Variants in SPIDR observed in about 807,000 individuals in gnomAD.
SPIDR encodes scaffold protein involved in DNA repair.
A neutral mutation model predicts 104.6 loss-of-function variants in SPIDR; 93 were observed. The ratio of observed to expected loss-of-function variants is 0.89; its 90% CI spans 0.75 to 1.06. The LOEUF (loss-of-function observed/expected upper bound fraction) is 1.06. Ranked by LOEUF, SPIDR falls within the 50% of genes least tolerant of loss-of-function variation. SPIDR has a pLI of 0.00. For synonymous variants in SPIDR, 431 were observed against 416.9 expected, an observed-to-expected ratio of 1.03 and a Z score of -0.41; for missense variants, 1,154 against 1,111.2, an observed-to-expected ratio of 1.04 and a Z score of -0.55.
chr8:47,351,036 C>T (rs1554622037), intron 5 of SPIDR, among the ~76,000 whole-genome samples: 2 of 152,188 alleles, frequency 1.3e-5, no homozygotes, highest in African/African-American at 4.8e-5. Flanking sequence ...GCCTGTTAGT[C>T]TCTTCGTAGC....
At chr8:47,369,476 G>T (rs563535816) in intron 5 of SPIDR, among the ~76,000 whole-genome samples, 36 of 152,154 alleles carry the variant, frequency 2.4e-4, no homozygotes, top group Admixed American at 7.9e-4. Context: ...CTTAGAAACT[G>T]CAATTTCCTT....
chr8:47,735,398 G>T lies in SPIDR; in HGVS notation c.2696G>T (p.Gly899Val). 6.2e-7 allele frequency: 1 copy of T among 1,614,196 alleles called. No homozygotes were observed. Among genetic ancestry groups the T allele is most frequent in the South Asian group, 1.1e-5 (1 of 91,078 alleles). The change falls in exon 20 of 20, where the codon GGA (glycine) becomes GTA (valine). Residue 899 changes from glycine to valine, a missense_variant. Physicochemically the swap from Gly to Val is moderately radical, Grantham distance 109. Transcript: ENST00000297423. Reference sequence around the variant, plus strand: ...ACCGCCCACCCGACCAGCTGCATTGGATTGGAGGAAATCGAGCTTCTGAGT... The same window carrying T: ...ACCGCCCACCCGACCAGCTGCATTGTATTGGAGGAAATCGAGCTTCTGAGT... ...SVTAHPTSCIGLEEIELLSAG... is the reference protein window; with the variant it reads ...SVTAHPTSCIVLEEIELLSAG...
chr8:47,725,532 C>T (rs1002064688), intron 16 of SPIDR, among the ~76,000 whole-genome samples: 1 of 152,128 alleles, frequency 6.6e-6, no homozygotes, highest in African/African-American at 2.4e-5. Context: ...GCTGGGACTA[C>T]AGGCGCGTGC....
intron 11 of SPIDR, among the ~76,000 whole-genome samples, chr8:47,680,832 G>C (rs1459538966): frequency 6.6e-6 from 1 of 152,226 alleles, no homozygotes; most frequent in Non-Finnish European, 1.5e-5. Context: ...GCTGGGCTGG[G>C]CTCAATGGCT....
chr8:47,338,206 CA>C (rs1350758476), intron 5 of SPIDR, among the ~76,000 whole-genome samples: 5 of 152,072 alleles, frequency 3.3e-5, no homozygotes, highest in Admixed American at 3.3e-4. Context: ...AAAGAGATTA[CA>C]TTCTTGTAAT....
At chr8:47,720,986 G>C (rs2083318492) in intron 16 of SPIDR, among the ~76,000 whole-genome samples, 1 of 152,086 alleles carries the variant, frequency 6.6e-6, no homozygotes. Flanking sequence ...TTGAACTCCT[G>C]ACCTCAGGTG....
intron 6 of SPIDR, among the ~76,000 whole-genome samples, chr8:47,400,377 A>G (rs140379979): frequency 4.9e-4 from 74 of 152,328 alleles, no homozygotes; most frequent in Non-Finnish European, 2.9e-4. Flanking sequence ...TGAAGTTACT[A>G]TGCTTAAATA....
At chr8:47,315,380 T>C (rs1433607748) in intron 5 of SPIDR, among the ~76,000 whole-genome samples, 1 of 152,040 alleles carries the variant, frequency 6.6e-6, no homozygotes, top group African/African-American at 2.4e-5. Context: ...GTAACTACAG[T>C]AGAATTTAAA....
intron 8 of SPIDR, among the ~76,000 whole-genome samples, chr8:47,445,555 A>G (rs2070419101): frequency 6.6e-6 from 1 of 152,194 alleles, no homozygotes. Flanking sequence ...GAAGAATTGC[A>G]CATCTTTTAC....
chr8:47,333,882 ACAT>A (rs1205003866), intron 5 of SPIDR, among the ~76,000 whole-genome samples: 2 of 152,222 alleles, frequency 1.3e-5, no homozygotes, highest in Non-Finnish European at 2.9e-5. Flanking sequence ...ATTGACAAAA[ACAT>A]CATTATGTGG....
At chr8:47,579,720 T>C (rs1384456250) in intron 8 of SPIDR, among the ~76,000 whole-genome samples, 1 of 151,956 alleles carries the variant, frequency 6.6e-6, no homozygotes, top group Admixed American at 6.6e-5. Flanking sequence ...TACCCCACCA[T>C]CCCCACCCCC....
At chr8:47,261,649 G>A (rs1028363114) in intron 1 of SPIDR, among the ~76,000 whole-genome samples, 3 of 152,200 alleles carry the variant, frequency 2.0e-5, no homozygotes, top group African/African-American at 4.8e-5. Flanking sequence ...TAGTAAAACG[G>A]TTTTTAAAAA....
chr8:47,383,111 C>T (rs910704111), intron 5 of SPIDR, among the ~76,000 whole-genome samples: 61 of 152,220 alleles, frequency 4.0e-4, no homozygotes, highest in Non-Finnish European at 1.3e-4. Context: ...CCCTACCCAC[C>T]ACAGGGGCAT....
intron 9 of SPIDR, 88 bp downstream of exon 9, chr8:47,596,094 G>A (rs969925318): frequency 3.1e-5 from 39 of 1,239,678 alleles, no homozygotes; most frequent in Non-Finnish European, 4.2e-5. Context: ...GAAGATGTTA[G>A]CCTTTTGTCT....
intron 5 of SPIDR, among the ~76,000 whole-genome samples, chr8:47,343,901 T>C (rs2051295957): frequency 6.6e-6 from 1 of 152,000 alleles, no homozygotes; most frequent in Admixed American, 6.6e-5. Flanking sequence ...TAGGACATTC[T>C]TACGTATTTA....
chr8:47,492,717 G>C (rs553589875), intron 8 of SPIDR, among the ~76,000 whole-genome samples: 1 of 152,062 alleles, frequency 6.6e-6, no homozygotes, highest in African/African-American at 2.4e-5. Flanking sequence ...GGAAGCATAC[G>C]TCTGGCCGTA....
chr8:47,482,620 C>G (rs181870173), intron 8 of SPIDR, among the ~76,000 whole-genome samples: 16 of 152,264 alleles, frequency 1.1e-4, no homozygotes, highest in Non-Finnish European at 4.4e-5. Flanking sequence ...ACAAGCGAGG[C>G]AACTGCAGGT....
intron 10 of SPIDR, among the ~76,000 whole-genome samples, chr8:47,637,986 A>G (rs1409224940): frequency 2.0e-5 from 3 of 152,088 alleles, no homozygotes; most frequent in Admixed American, 6.6e-5. Flanking sequence ...GGACTTGTAC[A>G]TATTTATTTT....
At chr8:47,712,629 A>G (rs1266389387) in intron 14 of SPIDR, 33 bp from the exon 15 acceptor site, 4 of 1,583,452 alleles carry the variant, frequency 2.5e-6, no homozygotes, top group Middle Eastern at 3.5e-4. Flanking sequence ...TTTTGGTATA[A>G]TAATTAATCT....
Sources: gnomAD v4.1 joint callset for allele counts (sites outside exome capture counted in the v4.1 genomes callset) on GRCh38, gnomAD v4.1.1 for gene constraint, MANE v1.5 for transcripts, NCBI Gene and HGNC (gene_info 2026-07-23, HGNC 2026-07-21) for gene names.